Variants in GABRA2 observed in about 807,000 individuals in gnomAD.
GABRA2 encodes gamma-aminobutyric acid type A receptor subunit alpha2.
GABRA2 carries 16 observed loss-of-function variants against 48.7 expected under a neutral mutation model. The ratio of observed to expected loss-of-function variants is 0.33; its 90% CI spans 0.22 to 0.50. The LOEUF (loss-of-function observed/expected upper bound fraction) is 0.50. Ranked by LOEUF, GABRA2 falls within the 20% of genes least tolerant of loss-of-function variation. The probability of loss-of-function intolerance (pLI) is 0.98; values close to 1 mark genes in which losing one functional copy is unlikely to be tolerated. For missense variants in GABRA2, 275 were observed against 535.6 expected, an observed-to-expected ratio of 0.51 and a Z score of 4.80; for synonymous variants, 185 against 184.5, an observed-to-expected ratio of 1.00 and a Z score of -0.02.
chr4:46,305,455 C>A, intron 7 of GABRA2, 113 bp downstream of exon 7: 1 of 876,622 alleles, frequency 1.1e-6, no homozygotes, highest in Non-Finnish European at 1.8e-6. Context: ...GCCTATGCTG[C>A]TAGTTCTTGG....
intron 8 of GABRA2, among the ~76,000 whole-genome samples, chr4:46,301,936 G>T (rs78749021): frequency 1.1e-4 from 17 of 152,190 alleles, no homozygotes; most frequent in East Asian, 9.7e-4. Context: ...GTTACAAAAC[G>T]TGCTTGGCCC....
intron 8 of GABRA2, among the ~76,000 whole-genome samples, chr4:46,272,444 A>C (rs569490982): frequency 6.6e-6 from 1 of 152,176 alleles, no homozygotes; most frequent in African/African-American, 2.4e-5. Flanking sequence ...TGAAGCAAGC[A>C]TAAATTTAGT....
intron 9 of GABRA2, among the ~76,000 whole-genome samples, chr4:46,252,460 TC>T (rs2109384957): frequency 6.6e-6 from 1 of 150,858 alleles, no homozygotes; most frequent in African/African-American, 2.4e-5. Context: ...GATAGGAAGT[TC>T]CTTTATTAAC....
chr4:46,260,978 G>T (rs1716845748), intron 9 of GABRA2: 1 of 151,752 alleles, frequency 6.6e-6, no homozygotes, highest in African/African-American at 2.4e-5. Context: ...AACTGAAAAA[G>T]AAATCAAATC....
rs145048933 is a variant in GABRA2, at chr4:46,247,864, A to G, written c.*2444T>C. Among the ~76,000 whole-genome samples, 1,097 of 151,424 alleles carry G rather than the reference A, an allele frequency of 7.2e-3. 3 individuals carry two copies. Among genetic ancestry groups the G allele is most frequent in the Middle Eastern group, 0.017 (5 of 294 alleles). Reference sequence around the variant, plus strand: ...TGATTTATTTAAACATTAAAAGAAGAAGAAATATGTAAAAAGTACATCAAA... The same window carrying G: ...TGATTTATTTAAACATTAAAAGAAGGAGAAATATGTAAAAAGTACATCAAA... On this transcript the variant is annotated 3_prime_UTR_variant, in exon 10 of 10. Coordinates refer to ENST00000381620, the MANE Select transcript of GABRA2 (RefSeq NM_000807.4).
At chr4:46,345,215 C>G (rs1433940671) in intron 3 of GABRA2, among the ~76,000 whole-genome samples, 2 of 151,908 alleles carry the variant, frequency 1.3e-5, no homozygotes, top group Non-Finnish European at 2.9e-5. Context: ...GAGGCCTCCC[C>G]AGCCCTGTGG....
intron 8 of GABRA2, among the ~76,000 whole-genome samples, chr4:46,276,599 C>CA (rs60891194): frequency 0.027 from 2,293 of 85,026 alleles, 46 homozygotes; most frequent in East Asian, 0.079. Flanking sequence ...ACTTCAGGCT[C>CA]AAAAAAAAAA....
intron 3 of GABRA2, among the ~76,000 whole-genome samples, chr4:46,350,512 CA>C (rs2109904383): frequency 6.6e-6 from 1 of 151,722 alleles, no homozygotes; most frequent in South Asian, 2.1e-4. Context: ...CACATACATA[CA>C]TACCTGTATA....
rs1330804068 is a variant in GABRA2 at position 46,305,558 on chromosome 4, T to A, written c.703+10A>T. 6.2e-7 allele frequency: 1 copy of A among 1,609,504 alleles called. No homozygotes were observed. Among genetic ancestry groups the A allele is most frequent in the African/African-American group, 1.3e-5 (1 of 74,642 alleles). On this transcript the variant is annotated intron_variant, in intron 7 of 9. Coordinates refer to ENST00000381620, the MANE Select transcript of GABRA2 (RefSeq NM_000807.4). The stretch of plus-strand genomic sequence containing the variant: ...AGGCACCAGCTTTTTTAAAGACTAA[T>A]TTTACTAACCTGTACTGGATTTAAT...
chr4:46,280,678 T>G (rs1351283264), intron 8 of GABRA2, among the ~76,000 whole-genome samples: 1 of 152,168 alleles, frequency 6.6e-6, no homozygotes, highest in African/African-American at 2.4e-5. Context: ...GTGGACTGAC[T>G]GTGTTACCTC....
intron 4 of GABRA2, among the ~76,000 whole-genome samples, 154 bp from the exon 5 acceptor site, chr4:46,312,870 C>T (rs1382704370): frequency 6.6e-6 from 1 of 151,966 alleles, no homozygotes; most frequent in Non-Finnish European, 1.5e-5. Flanking sequence ...TTTGGCTTAT[C>T]AATACATGTT....
chr4:46,306,128 G>A (rs1029762864), intron 6 of GABRA2, among the ~76,000 whole-genome samples: 1 of 152,042 alleles, frequency 6.6e-6, no homozygotes, highest in African/African-American at 2.4e-5. Context: ...TTAATTTTTG[G>A]ACATAAATGT....
At chr4:46,287,703 G>A (rs1291518722) in intron 8 of GABRA2, among the ~76,000 whole-genome samples, 13 of 150,720 alleles carry the variant, frequency 8.6e-5, no homozygotes, top group East Asian at 2.0e-4. Context: ...TGGGTGCAGC[G>A]CACCAGCATG....
intron 2 of GABRA2, chr4:46,386,982 A>G (rs1717547136): frequency 6.6e-6 from 1 of 152,342 alleles, no homozygotes; most frequent in African/African-American, 2.4e-5. Context: ...AAAGCTTTAG[A>G]AATTGTGATT....
chr4:46,306,691 T>C (rs1034783116), intron 6 of GABRA2, among the ~76,000 whole-genome samples: 3 of 152,150 alleles, frequency 2.0e-5, no homozygotes, highest in Non-Finnish European at 4.4e-5. Flanking sequence ...CACAGTCACG[T>C]TATCAATTAA....
chr4:46,380,842 G>A (rs1300970546), intron 3 of GABRA2, among the ~76,000 whole-genome samples: 2 of 152,052 alleles, frequency 1.3e-5, no homozygotes, highest in Non-Finnish European at 2.9e-5. Context: ...AATTTGAGGA[G>A]TAATAAAATC....
Position 46,314,691 on chromosome 4 carries a change from A to G in GABRA2, c.256-1975T>C, listed in dbSNP as rs908561506. 8.6e-5 allele frequency among the ~76,000 whole-genome samples: 13 copies of G among 151,984 alleles called. 1 individual carries two copies. Among genetic ancestry groups the G allele is most frequent in the Admixed American group, 2.0e-4 (3 of 15,210 alleles). On this transcript the variant is annotated intron_variant, in intron 4 of 9. Coordinates refer to ENST00000381620, the MANE Select transcript of GABRA2 (RefSeq NM_000807.4). Reference sequence around the variant, plus strand: ...TATCGCTGTCATCTTTATGTCCATGAGTACCCAATGTTTAGCTCCCACTTC... The same window carrying G: ...TATCGCTGTCATCTTTATGTCCATGGGTACCCAATGTTTAGCTCCCACTTC...
At chr4:46,317,778 TA>T (rs1010921836) in intron 4 of GABRA2, among the ~76,000 whole-genome samples, 1 of 151,322 alleles carries the variant, frequency 6.6e-6, no homozygotes, top group South Asian at 2.1e-4. Flanking sequence ...AAATAAACTC[TA>T]AAAAAAATTC....
chr4:46,299,470 A>G (rs1725346752), intron 8 of GABRA2, among the ~76,000 whole-genome samples: 1 of 151,804 alleles, frequency 6.6e-6, no homozygotes, highest in Non-Finnish European at 1.5e-5. Flanking sequence ...TCTTGAGGTT[A>G]TTTACCATTT....
Sources: allele counts gnomAD v4.1 joint callset (sites outside exome capture counted in the v4.1 genomes callset), GRCh38; gene constraint gnomAD v4.1.1; transcripts MANE v1.5; gene names NCBI Gene and HGNC (gene_info 2026-07-23, HGNC 2026-07-21).